LRCH1: variants seen among roughly 807,000 people sequenced by gnomAD.
LRCH1 encodes leucine rich repeats and calponin homology domain containing 1, also known as leucine-rich repeat and calponin homology domain-containing protein 1.
A neutral mutation model predicts 94.9 loss-of-function variants in LRCH1; 23 were observed. The ratio of observed to expected loss-of-function variants is 0.24; its 90% confidence interval spans 0.17 to 0.34. LRCH1 has a LOEUF of 0.34. LRCH1 is among the 10% of genes least tolerant of loss of function. LRCH1 has a pLI of 1.00. For missense variants in LRCH1, 790 were observed against 945.9 expected (o/e 0.84, Z 2.16); for synonymous variants, 364 against 354.9 (o/e 1.03, Z -0.29).
chr13:46,613,042 T>G (rs945226353), intron 1 of LRCH1, among the ~76,000 whole-genome samples: 1 of 152,216 alleles, frequency 6.6e-6, no homozygotes, highest in Non-Finnish European at 1.5e-5. Flanking sequence ...ATTTGTACAT[T>G]ATTATTTCAG....
intron 4 of LRCH1, 138 bp from the exon 5 acceptor site, chr13:46,685,767 A>G: frequency 1.7e-6 from 1 of 591,486 alleles, no homozygotes. Flanking sequence ...ATGTATTCCT[A>G]ATGTACAACT....
chr13:46,559,968 A>G (rs2050111610), intron 1 of LRCH1, among the ~76,000 whole-genome samples: 1 of 152,160 alleles, frequency 6.6e-6, no homozygotes, highest in Non-Finnish European at 1.5e-5. Context: ...TAAAGGGTAG[A>G]TACCTTTTGA....
chr13:46,743,423 A>T lies in LRCH1; in HGVS notation c.*1575A>T. 1.0e-6 allele frequency: 1 copy of T among 985,816 alleles called. No individual in the cohort carries two copies. The highest frequency in any genetic ancestry group is 1.2e-6 in the Non-Finnish European group (1 of 829,912). The allele number at this position is 985,816 out of a possible 1,614,324, so 61.1% of individuals were successfully genotyped here. On this transcript the variant is annotated 3_prime_UTR_variant, in exon 20 of 20. Transcript: ENST00000389797. The stretch of plus-strand genomic sequence containing the variant: ...TGTGTTGATTGGTGAAATGCAGGGT[A>T]TGTGGAAGTTATCTAATTAACCTCA...
At chr13:46,676,628 A>G (rs992312875) in intron 3 of LRCH1, among the ~76,000 whole-genome samples, 5 of 152,190 alleles carry the variant, frequency 3.3e-5, no homozygotes, top group African/African-American at 9.6e-5. Flanking sequence ...GATTCTTACA[A>G]AAATACATCT....
intron 3 of LRCH1, among the ~76,000 whole-genome samples, chr13:46,678,236 A>G (rs842366): frequency 0.055 from 8,367 of 152,272 alleles, 777 homozygotes; most frequent in African/African-American, 0.19. Context: ...TACATTTTCA[A>G]AACAGGAGTA....
At chr13:46,576,781 C>T (rs559812217) in intron 1 of LRCH1, among the ~76,000 whole-genome samples, 12 of 152,298 alleles carry the variant, frequency 7.9e-5, no homozygotes, top group South Asian at 2.1e-4. Flanking sequence ...CATTTGTATT[C>T]GTTTTTCATT....
intron 1 of LRCH1, among the ~76,000 whole-genome samples, chr13:46,621,673 T>C (rs565596728): frequency 6.6e-6 from 1 of 152,350 alleles, no homozygotes; most frequent in African/African-American, 2.4e-5. Flanking sequence ...CACCAGACTT[T>C]TACAGCGTTT....
chr13:46,673,572 C>T (rs17068596), intron 3 of LRCH1, among the ~76,000 whole-genome samples: 14,219 of 152,106 alleles, frequency 0.093, 787 homozygotes, highest in East Asian at 0.23. Flanking sequence ...TTTGTAGTCA[C>T]GAAGTAACCA....
At chr13:46,623,768 T>C (rs376512185) in intron 1 of LRCH1, among the ~76,000 whole-genome samples, 6 of 151,246 alleles carry the variant, frequency 4.0e-5, no homozygotes, top group African/African-American at 1.5e-4. Flanking sequence ...ACGTACAGGT[T>C]TGTTACATAT....
chr13:46,598,625 T>G (rs1456564149), intron 1 of LRCH1, among the ~76,000 whole-genome samples: 1 of 151,674 alleles, frequency 6.6e-6, no homozygotes, highest in African/African-American at 2.4e-5. Context: ...AAAATAGCCT[T>G]GCTCTGGGTT....
chr13:46,585,827 T>C (rs1021773933), intron 1 of LRCH1, among the ~76,000 whole-genome samples: 1 of 148,024 alleles, frequency 6.8e-6, no homozygotes, highest in Non-Finnish European at 1.5e-5. Context: ...TAAGAAATCC[T>C]TTCCAGCTGA....
At chr13:46,594,917 T>G (rs2050542244) in intron 1 of LRCH1, among the ~76,000 whole-genome samples, 1 of 152,172 alleles carries the variant, frequency 6.6e-6, no homozygotes, top group Non-Finnish European at 1.5e-5. Context: ...GACTCTAGTT[T>G]ATGTAACTAT....
intron 1 of LRCH1, among the ~76,000 whole-genome samples, chr13:46,634,152 A>C (rs988405195): frequency 6.6e-6 from 1 of 152,158 alleles, no homozygotes; most frequent in African/African-American, 2.4e-5. Flanking sequence ...TGCTGGGATT[A>C]CAGGCGTGAG....
chr13:46,661,384 T>C (rs1296089379), intron 2 of LRCH1, among the ~76,000 whole-genome samples: 1 of 152,224 alleles, frequency 6.6e-6, no homozygotes, highest in Non-Finnish European at 1.5e-5. Flanking sequence ...GCCAACACAG[T>C]CCCTTATATA....
intron 1 of LRCH1, among the ~76,000 whole-genome samples, chr13:46,601,521 A>G (rs2050628796): frequency 6.6e-6 from 1 of 152,240 alleles, no homozygotes; most frequent in Non-Finnish European, 1.5e-5. Context: ...GTGATTTTAA[A>G]GGTTGAGTGA....
chr13:46,698,157 T>TA (rs1180457002), intron 9 of LRCH1, among the ~76,000 whole-genome samples: 6 of 152,212 alleles, frequency 3.9e-5, no homozygotes, highest in African/African-American at 1.4e-4. Flanking sequence ...ATTGGGCAGC[T>TA]AGCCATGTCC....
At chr13:46,692,384 C>A in intron 7 of LRCH1, 152 bp from the exon 8 acceptor site, 6 of 498,052 alleles carry the variant, frequency 1.2e-5, no homozygotes, top group South Asian at 3.0e-5. Context: ...ATTTTTTGAA[C>A]TTACATAAGT....
intron 1 of LRCH1, among the ~76,000 whole-genome samples, chr13:46,634,340 T>C (rs1015301830): frequency 6.6e-6 from 1 of 152,240 alleles, no homozygotes; most frequent in Non-Finnish European, 1.5e-5. Flanking sequence ...CTCCTTTCTG[T>C]GCCACCCATC....
chr13:46,655,196 C>G (rs925352310), intron 2 of LRCH1, among the ~76,000 whole-genome samples: 2 of 152,068 alleles, frequency 1.3e-5, no homozygotes, highest in Admixed American at 1.3e-4. Context: ...ATGTCACTCC[C>G]TAACCAGCTT....
Sources: gnomAD v4.1 joint callset for allele counts (sites outside exome capture counted in the v4.1 genomes callset) on GRCh38, gnomAD v4.1.1 for gene constraint, MANE v1.5 for transcripts, NCBI Gene and HGNC (gene_info 2026-07-23, HGNC 2026-07-21) for gene names.